TMEM67: variants seen among roughly 807,000 people sequenced by gnomAD.
TMEM67 encodes the protein meckelin.
A neutral mutation model predicts 136.6 loss-of-function variants in TMEM67; 124 were observed. That is an observed-to-expected ratio of 0.91 (90% CI 0.78 to 1.05). The LOEUF (loss-of-function observed/expected upper bound fraction) is 1.05. TMEM67 is among the 50% of genes least tolerant of loss of function. The pLI is 0.00. For synonymous variants in TMEM67, 364 were observed against 390.5 expected (o/e 0.93, Z 0.80); for missense variants, 1,107 against 1,178.4 (o/e 0.94, Z 0.89).
intron 7 of TMEM67, among the ~76,000 whole-genome samples, chr8:93,776,780 C>T (rs968859189): frequency 3.3e-5 from 5 of 152,054 alleles, no homozygotes; most frequent in African/African-American, 1.2e-4. Flanking sequence ...ATTTTTGCAT[C>T]GATGTTCATC....
chr8:93,775,913 G>A (rs965676696), intron 7 of TMEM67, among the ~76,000 whole-genome samples: 2 of 152,254 alleles, frequency 1.3e-5, no homozygotes, highest in East Asian at 1.9e-4. Context: ...GCTTGATGGG[G>A]ATGGCATTGA....
At chr8:93,786,413 G>C in intron 13 of TMEM67, 67 bp downstream of exon 13, 1 of 1,558,560 alleles carries the variant, frequency 6.4e-7, no homozygotes, top group South Asian at 1.1e-5. Context: ...CCAGTCATTA[G>C]TAGATGAAAA....
the TMEM67 span, among the ~76,000 whole-genome samples, chr8:93,828,823 CTA>C: frequency 6.6e-6 from 1 of 150,798 alleles, no homozygotes; most frequent in Admixed American, 6.6e-5. Flanking sequence ...TGCCATAAAA[CTA>C]TATTTAACTG....
Position 93,795,974 on chromosome 8 carries a change from C to T in TMEM67, c.1847C>T (p.Ala616Val), listed in dbSNP as rs757204749. The T allele has an allele frequency of 1.2e-6, 2 of 1,612,332 alleles. No homozygotes were observed. The highest frequency in any genetic ancestry group is 1.7e-6 in the Non-Finnish European group (2 of 1,178,502). The change falls in exon 18 of 28, where the codon GCC becomes GTC. Residue 616 changes from alanine (A) to valine (V), a missense_variant. Ala to Val is a moderately conservative substitution (Grantham distance 64, BLOSUM62 0). Around this residue, in one of 3 missense-constraint regions of TMEM67, gnomAD observed 925 missense variants for 1,002.4 expected, o/e 0.92. Coordinates refer to ENST00000453321, the MANE Select transcript of TMEM67 (RefSeq NM_153704.6). ...EERFVTYVGC[A>V]FALKALQFLH... ...CGTTTTGTCACTTATGTTGGATGTG[C>T]CTTTGCTCTGAAGGTAAGTTTTAAA...
chr8:93,809,386 T>C (rs1808601344), intron 25 of TMEM67, among the ~76,000 whole-genome samples: 1 of 152,176 alleles, frequency 6.6e-6, no homozygotes, highest in South Asian at 2.1e-4. Context: ...AGAATTAGGT[T>C]ACGCAAAAGT....
rs566160299 is a variant in TMEM67 at position 93,800,363 on chromosome 8, G to C, written c.2241+605G>C. On this transcript the variant is annotated intron_variant, in intron 21 of 27. Transcript: ENST00000453321. Reference sequence around the variant, plus strand: ...AACTGTTTGACTGAACTCATTGAGAGTAGAAAATACAGTGTTCACAGAATG... The same window carrying C: ...AACTGTTTGACTGAACTCATTGAGACTAGAAAATACAGTGTTCACAGAATG... Among the ~76,000 whole-genome samples the C allele has an allele frequency of 2.6e-5, 4 of 152,234 alleles. No individual in the cohort carries two copies. In the East Asian group the frequency reaches 7.7e-4, roughly 29 times the overall value.
rs1813879672 is a variant in TMEM67 at position 93,782,413 on chromosome 8, A to G, written c.1084A>G (p.Thr362Ala). 6.2e-7 allele frequency: 1 copy of G among 1,613,174 alleles called. No homozygotes were observed. Among genetic ancestry groups the G allele is most frequent in the African/African-American group, 1.3e-5 (1 of 75,038 alleles). ...GVLQLCPDTE[T>A]RLNAAYSFGT... ...GCTGCAGCTTTGTCCAGACACAGAG[A>G]CAAGGCTAAATGCTGCTTATTCATT... The change falls in exon 11 of 28, where the codon ACA becomes GCA. Residue 362 changes from threonine (T) to alanine (A), a missense_variant. Physicochemically the swap from Thr to Ala is moderately conservative, Grantham distance 58 (BLOSUM62 0). Around this residue, in one of 3 missense-constraint regions of TMEM67, gnomAD observed 925 missense variants for 1,002.4 expected, o/e 0.92. Transcript: ENST00000453321.
rs746521577 is a variant in TMEM67, at chr8:93,799,693, C to T, written c.2176C>T (p.Pro726Ser). ...LSRNPPSYIA[P>S]YSCILRYAVS... ...TAGAAACCCACCTAGCTACATAGCT[C>T]CTTATAGCTGCATTTTGAGATATGC... The change falls in exon 21 of 28, where the codon CCT (proline) becomes TCT (serine). Residue 726 changes from proline (P) to serine (S), a missense_variant. Coordinates refer to ENST00000453321, the MANE Select transcript of TMEM67 (RefSeq NM_153704.6). The T allele has an allele frequency of 3.7e-6, 6 of 1,613,568 alleles. No homozygotes were observed. The Admixed American group carries it at 5.0e-5, about 13-fold the overall frequency.
At chr8:93,799,086 C>T (rs1329698688) in intron 20 of TMEM67, among the ~76,000 whole-genome samples, 3 of 152,008 alleles carry the variant, frequency 2.0e-5, no homozygotes, top group Admixed American at 6.6e-5. Flanking sequence ...GCACCTTTTA[C>T]TGTAAAACTT....
Position 93,797,432 on chromosome 8 carries a change from TC to T in TMEM67, c.2063del (p.Ser688TyrfsTer20). The T allele has an allele frequency of 6.2e-7, 1 of 1,614,014 alleles. No homozygotes were observed. Among genetic ancestry groups the T allele is most frequent in the Non-Finnish European group, 8.5e-7 (1 of 1,179,914 alleles). On this transcript the variant is annotated frameshift_variant, in exon 20 of 28. Transcript: ENST00000453321. LOFTEE classifies it high-confidence loss of function. ...NEIQTVRKINSLFQVLTVLFF... is the reference protein window; with the variant it reads ...NEIQTVRKINXLFQVLTVLFF... ...AATTCAGACTGTGAGAAAAATTAAT[TC>T]ACTCTTTCAAGTACTTACTGTCCTC...
chr8:93,783,722 A>G (rs565657299), intron 11 of TMEM67, among the ~76,000 whole-genome samples: 13 of 152,346 alleles, frequency 8.5e-5, no homozygotes, highest in Admixed American at 5.9e-4. Context: ...GAAACTTACA[A>G]TCATGGTGGA....
intron 2 of TMEM67, 97 bp downstream of exon 2, chr8:93,755,963 A>C (rs1248052737): frequency 6.7e-5 from 49 of 732,894 alleles, no homozygotes; most frequent in Non-Finnish European, 4.4e-6. Context: ...ATGTTTCCCC[A>C]CAGACTTTAA....
At chr8:93,800,588 A>G (rs1426627111) in intron 21 of TMEM67, among the ~76,000 whole-genome samples, 1 of 152,164 alleles carries the variant, frequency 6.6e-6, no homozygotes, top group Non-Finnish European at 1.5e-5. Context: ...AAGCTCTGTT[A>G]TTATCCTCAT....
intron 14 of TMEM67, 102 bp downstream of exon 14, chr8:93,788,051 T>C: frequency 2.4e-6 from 2 of 841,800 alleles, no homozygotes; most frequent in Non-Finnish European, 4.0e-6. Flanking sequence ...TTTTTTTAAG[T>C]TCTAAATAAA....
Position 93,775,794 on chromosome 8 carries a change from C to T in TMEM67, c.714+3143C>T, listed in dbSNP as rs1370690356. On this transcript the variant is annotated intron_variant, in intron 7 of 27. Coordinates refer to ENST00000453321, the MANE Select transcript of TMEM67 (RefSeq NM_153704.6). ...TTTAAAGTCAGGTAGCATGATGCCT[C>T]CAGCTTTGTTCTTTTTGTGTAGGAT... Among the ~76,000 whole-genome samples the T allele has an allele frequency of 3.3e-5, 5 of 152,156 alleles. No individual in the cohort carries two copies. In the East Asian group the frequency reaches 9.6e-4, roughly 29 times the overall value.
At chr8:93,799,403 A>G (rs368771272) in intron 20 of TMEM67, among the ~76,000 whole-genome samples, 1 of 152,174 alleles carries the variant, frequency 6.6e-6, no homozygotes, top group Non-Finnish European at 1.5e-5. Context: ...TCATATTGAG[A>G]AGAATGCCAA....
intron 25 of TMEM67, 27 bp downstream of exon 25, chr8:93,809,188 G>T (rs1808594616): frequency 7.6e-7 from 1 of 1,309,234 alleles, no homozygotes; most frequent in Non-Finnish European, 1.1e-6. Flanking sequence ...TTATATTTAA[G>T]CTGGGATCAA....
At chr8:93,785,731 A>G in intron 12 of TMEM67, 1 of 211,254 alleles carries the variant, frequency 4.7e-6, no homozygotes, top group Non-Finnish European at 9.4e-6. Context: ...CTGCTTTTTC[A>G]GGTAATTTGC....
At position 93,799,632 on chromosome 8, in the gene TMEM67, G is replaced by A. The variant is rs1219890990; in HGVS notation, c.2115G>A (p.Lys705=). 4 of 1,613,102 alleles carry A rather than the reference G, an allele frequency of 2.5e-6. No homozygotes were observed. The highest frequency in any genetic ancestry group is 2.5e-6 in the Non-Finnish European group (3 of 1,179,594). ...VLFFLEVVGF[K]NLALMDSSSS... Reference sequence around the variant, plus strand: ...TTTTACTCCAGGTTGTGGGATTCAAGAACTTAGCATTAATGGACTCATCTT... The same window carrying A: ...TTTTACTCCAGGTTGTGGGATTCAAAAACTTAGCATTAATGGACTCATCTT... Residue 705 remains lysine (K), a synonymous_variant, in exon 21 of 28, where the codon AAG becomes AAA. Transcript: ENST00000453321.
Sources: gnomAD v4.1 joint callset for allele counts (sites outside exome capture counted in the v4.1 genomes callset) on GRCh38, gnomAD v4.1.1 for gene constraint, gnomAD v4.1.1 regional missense constraint, MANE v1.5 for transcripts, NCBI Gene and HGNC (gene_info 2026-07-23, HGNC 2026-07-21) for gene names.